The following PRSS57 variants were observed in gnomAD, a reference collection of about 807,000 sequenced individuals.
PRSS57 encodes the protein serine protease 57, also known as neutrophil serine protease 4.
A neutral mutation model predicts 20.6 loss-of-function variants in PRSS57; 19 were observed. That is an observed-to-expected ratio of 0.92 (90% CI 0.64 to 1.35). The LOEUF (loss-of-function observed/expected upper bound fraction) is 1.35, where lower values mean the gene tolerates loss of function less well. Ranked by LOEUF, PRSS57 falls within the 40% of genes most tolerant of loss-of-function variation. The pLI, the probability that PRSS57 is intolerant of heterozygous loss-of-function variation, is 0.00. For synonymous variants in PRSS57, 203 were observed against 176.6 expected (o/e 1.15, Z -1.19); for missense variants, 440 against 403.7 (o/e 1.09, Z -0.77).
Position 694,885 on chromosome 19 carries a change from G to A in PRSS57, c.162C>T (p.Gly54=), listed in dbSNP as rs1258718493. The A allele has an allele frequency of 6.2e-7, 1 of 1,604,622 alleles. No individual in the cohort carries two copies. Among genetic ancestry groups the A allele is most frequent in the Admixed American group, 1.7e-5 (1 of 58,796 alleles). ...GCAGGAAGCCTCCGCAGTGATGTTG[G>A]CCCCCGAAGCGCACGGATGCCATGT... is the stretch of plus-strand genomic sequence containing the variant. The part of the protein sequence containing the change: ...RPYMASVRFG[G]QHHCGGFLLR... Residue 54 remains glycine, a synonymous_variant, in exon 2 of 5, where the codon GGC becomes GGT. Transcript: ENST00000329267.
chr19:689,258 G>A lies in PRSS57; in HGVS notation c.379-2070C>T, dbSNP rs114456939. Among the ~76,000 whole-genome samples, 1,413 of 143,068 alleles carry A rather than the reference G, an allele frequency of 9.9e-3. 17 individuals carry two copies. The highest frequency in any genetic ancestry group is 0.016 in the South Asian group (74 of 4,542). 93.9% of individuals were successfully genotyped at this position (143,068 alleles called of 152,430 possible). A position where few individuals can be genotyped will look rare whatever the true frequency, so the allele number is the denominator to read the frequency against. ...GGGGTTAGCAGGAGATGACGGGGCC[G>A]GAAGGGTGGTCCAGGGGTTAGCAGG... is the stretch of plus-strand genomic sequence containing the variant. On this transcript the variant is annotated intron_variant, in intron 3 of 4. Coordinates refer to ENST00000329267, the MANE Select transcript of PRSS57 (RefSeq NM_001308209.2).
chr19:695,373 T>A lies in PRSS57; in HGVS notation c.58A>T (p.Met20Leu). ...TCACCGGGGGGCTTCACGGGCAGCA[T>A]CAGGGCGGTGGCCACAGTCAGCAGA... ...RPLLTVATAL[M>L]LPVKPPGSWG... The change falls in exon 1 of 5, where the codon ATG becomes TTG. Residue 20 changes from methionine to leucine, a missense_variant. Coordinates refer to ENST00000329267, the MANE Select transcript of PRSS57 (RefSeq NM_001308209.2). 1 of 1,281,788 alleles carries A rather than the reference T, an allele frequency of 7.8e-7. No individual in the cohort carries two copies. Among genetic ancestry groups the A allele is most frequent in the Non-Finnish European group, 9.9e-7 (1 of 1,009,560 alleles). 79.4% of individuals were successfully genotyped at this position (1,281,788 alleles called of 1,614,324 possible). A position where few individuals can be genotyped will look rare whatever the true frequency, so the allele number is the denominator to read the frequency against.
intron 4 of PRSS57, among the ~76,000 whole-genome samples, chr19:686,455 C>G (rs926475487): frequency 2.6e-5 from 4 of 151,894 alleles, no homozygotes; most frequent in Non-Finnish European, 5.9e-5. Flanking sequence ...AAAAAGAGGC[C>G]CAGAGAAATC....
At chr19:686,868 T>C (rs533376841) in intron 4 of PRSS57, 57 bp downstream of exon 4, 4 of 1,567,650 alleles carry the variant, frequency 2.6e-6, no homozygotes, top group Non-Finnish European at 3.5e-6. Flanking sequence ...CCTGACCCTC[T>C]CTGTGGGCCT....
At chr19:695,298 C>G in intron 1 of PRSS57, 54 bp downstream of exon 1, 1 of 910,114 alleles carries the variant, frequency 1.1e-6, no homozygotes, top group Non-Finnish European at 1.4e-6. Context: ...CGGGTGTGGC[C>G]CCCGTACGGG....
chr19:688,602 C>CTTTTTTTTTCTTT (rs2031542982), intron 3 of PRSS57, among the ~76,000 whole-genome samples: 1 of 110,208 alleles, frequency 9.1e-6, no homozygotes, highest in Non-Finnish European at 1.8e-5. Context: ...CACCCAGGGA[C>CTTTTTTTTTCTTT]TTTTTTTTTT....
intron 1 of PRSS57, 82 bp from the exon 2 acceptor site, chr19:695,049 C>A (rs1449199462): frequency 1.5e-6 from 2 of 1,304,402 alleles, no homozygotes; most frequent in African/African-American, 3.1e-5. Flanking sequence ...GGAGAAGTAG[C>A]GGCCAAGACA....
At chr19:693,002 T>TC (rs1285797771) in intron 2 of PRSS57, among the ~76,000 whole-genome samples, 1 of 150,606 alleles carries the variant, frequency 6.6e-6, no homozygotes, top group South Asian at 2.1e-4. Flanking sequence ...ATCTTGGCTC[T>TC]CTGCAAGCTC....
intron 2 of PRSS57, among the ~76,000 whole-genome samples, chr19:692,562 G>A (rs374574512): frequency 1.1e-3 from 162 of 151,288 alleles, no homozygotes; most frequent in African/African-American, 3.7e-3. Flanking sequence ...GACTACAGGC[G>A]TGCGCCACCA....
At chr19:686,509 C>T (rs1454927488) in intron 4 of PRSS57, among the ~76,000 whole-genome samples, 1 of 152,118 alleles carries the variant, frequency 6.6e-6, no homozygotes, top group African/African-American at 2.4e-5. Flanking sequence ...TGGACAGTCT[C>T]ATTTCTCCTG....
intron 2 of PRSS57, among the ~76,000 whole-genome samples, chr19:694,329 A>C (rs1233408199): frequency 1.3e-5 from 2 of 149,528 alleles, no homozygotes; most frequent in Admixed American, 6.7e-5. Flanking sequence ...GCACTTTGGG[A>C]GGCAGAGGCG....
Position 691,881 on chromosome 19 carries a change from C to T in PRSS57, c.355G>A (p.Ala119Thr), listed in dbSNP as rs564128241. Residue 119 changes from alanine to threonine, a missense_variant, in exon 3 of 5, where the codon GCC becomes ACC. By Grantham distance (58) the Ala-to-Thr change is moderately conservative. Transcript: ENST00000329267. Reference sequence around the variant, plus strand: ...ACCCGCAGCAGGCAGATGTCGTTGGCGTGGGTCATGGGGTGGTAGTCGGGG... The same window carrying T: ...ACCCGCAGCAGGCAGATGTCGTTGGTGTGGGTCATGGGGTGGTAGTCGGGG... ...THPDYHPMTHANDICLLRLNG... is the reference protein window; with the variant it reads ...THPDYHPMTHTNDICLLRLNG... 8.8e-5 allele frequency: 118 copies of T among 1,334,676 alleles called. No individual in the cohort carries two copies. The East Asian group carries it at 1.5e-3, about 17-fold the overall frequency. The allele number at this position is 1,334,676 out of a possible 1,614,324, so 82.7% of individuals were successfully genotyped here.
At chr19:690,824 A>G (rs865941448) in intron 3 of PRSS57, 1 of 325,328 alleles carries the variant, frequency 3.1e-6, no homozygotes, top group African/African-American at 2.2e-5. Flanking sequence ...CTGGGGGAAC[A>G]AGATCGGCAA....
Position 690,807 on chromosome 19 carries a change from GAGGCTACTGGGGGA to G in PRSS57, c.378+1037_378+1050del, listed in dbSNP as rs1340157640. Reference sequence around the variant, plus strand: ...AAGCTCTCCGTTGTCCCCATGCACAGAGGCTACTGGGGGAACAAGATCGGCAAGCCCTACACCGT... The same window carrying G: ...AAGCTCTCCGTTGTCCCCATGCACAGACAAGATCGGCAAGCCCTACACCGT... On this transcript the variant is annotated intron_variant, in intron 3 of 4. Transcript: ENST00000329267. 11 of 336,452 alleles carry G rather than the reference GAGGCTACTGGGGGA, an allele frequency of 3.3e-5. 1 individual carries two copies. The highest frequency in any genetic ancestry group is 4.6e-5 in the Non-Finnish European group (8 of 175,656). 20.8% of individuals were successfully genotyped at this position (336,452 alleles called of 1,614,324 possible).
Position 686,054 on chromosome 19 carries a change from C to T in PRSS57, c.643-132G>A, listed in dbSNP as rs113911781. On this transcript the variant is annotated intron_variant, in intron 4 of 4. Transcript: ENST00000329267. ...CAAGGAAAAAGTAAATTCATTTCTC[C>T]CCTCCAGGCCCTGAGGACCCAGCCC... 19 of 823,310 alleles carry T rather than the reference C, an allele frequency of 2.3e-5. No individual in the cohort carries two copies. The African/African-American group carries it at 2.7e-4, about 12-fold the overall frequency. The allele number at this position is 823,310 out of a possible 1,614,324, so 51.0% of individuals were successfully genotyped here. A position where few individuals can be genotyped will look rare whatever the true frequency, so the allele number is the denominator to read the frequency against.
Position 685,785 on chromosome 19 carries a change from C to T in PRSS57, c.780G>A (p.Val260=). 6.4e-7 allele frequency: 1 copy of T among 1,567,034 alleles called. No individual in the cohort carries two copies. The highest frequency in any genetic ancestry group is 8.7e-7 in the Non-Finnish European group (1 of 1,154,952). The part of the protein sequence containing the change: ...VSAFVAWIWD[V]VRRSSPQPGP... ...CGGGCTGGGGACTGCTCCGCCGAAC[C>T]ACGTCCCAGATCCAGGCCACAAAGG... Residue 260 remains valine, a synonymous_variant, in exon 5 of 5, where the codon GTG becomes GTA. Transcript: ENST00000329267.
rs145630240 is a variant in PRSS57, at chr19:688,925, C to A, written c.379-1737G>T. Among the ~76,000 whole-genome samples the A allele has an allele frequency of 3.6e-3, 553 of 152,260 alleles. 3 individuals carry two copies. The highest frequency in any genetic ancestry group is 0.013 in the African/African-American group (527 of 41,544). ...CACACAGGGACTTTAAGCGTCTCCTCCACACAGGGCAGGGGCCCGAGAGGC... is the reference window on the plus strand; with the variant it reads ...CACACAGGGACTTTAAGCGTCTCCTACACACAGGGCAGGGGCCCGAGAGGC... On this transcript the variant is annotated intron_variant, in intron 3 of 4. Coordinates refer to ENST00000329267, the MANE Select transcript of PRSS57 (RefSeq NM_001308209.2).
At chr19:694,263 T>C (rs2031727633) in intron 2 of PRSS57, among the ~76,000 whole-genome samples, 1 of 151,290 alleles carries the variant, frequency 6.6e-6, no homozygotes, top group African/African-American at 2.4e-5. Context: ...TTAATAGTTA[T>C]TATAACAATA....
chr19:687,065 C>G lies in PRSS57; in HGVS notation c.502G>C (p.Glu168Gln), dbSNP rs761376430. ...VAGWGFVSDFEELPPGLMEAK... is the reference protein window; with the variant it reads ...VAGWGFVSDFQELPPGLMEAK... ...TCCATCAGTCCAGGCGGCAGCTCCTCAAAGTCAGACACGAAGCCCCAGCCA... is the reference window on the plus strand; with the variant it reads ...TCCATCAGTCCAGGCGGCAGCTCCTGAAAGTCAGACACGAAGCCCCAGCCA... The change falls in exon 4 of 5, where the codon GAG (glutamate) becomes CAG (glutamine). Residue 168 changes from glutamate to glutamine, a missense_variant. Glu to Gln is a conservative substitution (Grantham distance 29). Coordinates refer to ENST00000329267, the MANE Select transcript of PRSS57 (RefSeq NM_001308209.2). 3 of 1,614,056 alleles carry G rather than the reference C, an allele frequency of 1.9e-6. No individual in the cohort carries two copies. In the South Asian group the frequency reaches 3.3e-5, roughly 18 times the overall value.
Sources: allele counts gnomAD v4.1 joint callset (sites outside exome capture counted in the v4.1 genomes callset), GRCh38; gene constraint gnomAD v4.1.1; transcripts MANE v1.5; gene names NCBI Gene and HGNC (gene_info 2026-07-23, HGNC 2026-07-21).